Variants in LARGE1 observed in about 807,000 individuals in gnomAD.
The protein encoded by LARGE1 is LARGE xylosyl- and glucuronyltransferase 1.
Under a neutral mutation model 87.6 loss-of-function variants are expected in LARGE1, and 43 were observed. The ratio of observed to expected loss-of-function variants is 0.49; its 90% CI spans 0.38 to 0.63. The LOEUF (loss-of-function observed/expected upper bound fraction) is 0.63. LARGE1 is among the 30% of genes least tolerant of loss of function. The pLI is 0.00. For missense variants in LARGE1, 802 were observed against 1,000.2 expected (o/e 0.80, Z 2.67); for synonymous variants, 434 against 394.6 (o/e 1.10, Z -1.18).
chr22:33,356,292 G>A (rs1940882010), intron 9 of LARGE1, among the ~76,000 whole-genome samples: 1 of 152,200 alleles, frequency 6.6e-6, no homozygotes, highest in Non-Finnish European at 1.5e-5. Context: ...ATGGATGAGT[G>A]CTGAGGGAAG....
chr22:33,433,342 A>G (rs1601819910), intron 6 of LARGE1, among the ~76,000 whole-genome samples: 2 of 152,276 alleles, frequency 1.3e-5, no homozygotes, highest in Middle Eastern at 3.4e-3. Context: ...CACACCTGTA[A>G]TCCCAGCACT....
chr22:33,728,822 T>G (rs2083363348), intron 2 of LARGE1, among the ~76,000 whole-genome samples: 1 of 152,188 alleles, frequency 6.6e-6, no homozygotes, highest in Admixed American at 6.5e-5. Context: ...CGGTTACGGA[T>G]AGAGGAAGGG....
intron 1 of LARGE1, among the ~76,000 whole-genome samples, chr22:33,805,553 G>GTGAA (rs2086281295): frequency 6.6e-6 from 1 of 151,952 alleles, no homozygotes; most frequent in African/African-American, 2.4e-5. Context: ...GGCCAACATG[G>GTGAA]TGAAACCCTA....
intron 1 of LARGE1, among the ~76,000 whole-genome samples, chr22:33,809,723 TATC>T (rs149984852): frequency 0.086 from 13,041 of 152,208 alleles, 1,867 homozygotes; most frequent in African/African-American, 0.3. Context: ...TATTTCAACA[TATC>T]ATCAATATAA....
chr22:33,784,076 G>A (rs1000314963), intron 1 of LARGE1, among the ~76,000 whole-genome samples: 3 of 152,030 alleles, frequency 2.0e-5, no homozygotes, highest in Non-Finnish European at 1.5e-5. Context: ...CTCCTCTTTG[G>A]TAAAACCAAC....
chr22:33,179,398 T>C lies in LARGE1; in HGVS notation c.1731-12566A>G, dbSNP rs537682006. On this transcript the variant is annotated intron_variant, in intron 11 of 11. Coordinates refer to the LARGE1 transcript ENST00000608642. ...TCTCTTGAGCAAAATCTTTCCCAAA[T>C]TAATTAAGGACAAGGTTAATGACAC... is the stretch of plus-strand genomic sequence containing the variant. 4.4e-3 allele frequency among the ~76,000 whole-genome samples: 645 copies of C among 147,852 alleles called. 7 individuals are homozygous for C. Among genetic ancestry groups the C allele is most frequent in the Non-Finnish European group, 7.3e-3 (486 of 66,734 alleles).
the LARGE1 span, among the ~76,000 whole-genome samples, chr22:33,106,923 C>T: frequency 3.3e-5 from 5 of 152,186 alleles, no homozygotes; most frequent in African/African-American, 1.2e-4. Flanking sequence ...CAAAATTTAC[C>T]TTCTTCAGAT....
intron 2 of LARGE1, among the ~76,000 whole-genome samples, chr22:33,712,213 T>TG (rs767700646): frequency 4.6e-5 from 7 of 151,456 alleles, no homozygotes; most frequent in African/African-American, 1.7e-4. Flanking sequence ...ACCCTGGGGA[T>TG]GGGGGAAAAA....
intron 3 of LARGE1, among the ~76,000 whole-genome samples, chr22:33,629,584 G>T (rs1311496297): frequency 6.6e-6 from 1 of 152,192 alleles, no homozygotes; most frequent in South Asian, 2.1e-4. Context: ...AAAATCTGGG[G>T]TTACAGAAGT....
intron 13 of LARGE1, among the ~76,000 whole-genome samples, chr22:33,277,552 C>T (rs1672941193): frequency 6.6e-6 from 1 of 152,144 alleles, no homozygotes; most frequent in Non-Finnish European, 1.5e-5. Flanking sequence ...CAGAGACACA[C>T]AGCAAGAATA....
chr22:33,777,302 G>A (rs1173860882), intron 1 of LARGE1, among the ~76,000 whole-genome samples: 1 of 152,038 alleles, frequency 6.6e-6, no homozygotes, highest in Non-Finnish European at 1.5e-5. Context: ...TCCCTAGGGA[G>A]CCACTCGAGA....
At chr22:33,801,468 T>C (rs1206806389) in intron 1 of LARGE1, among the ~76,000 whole-genome samples, 4 of 152,206 alleles carry the variant, frequency 2.6e-5, no homozygotes, top group African/African-American at 9.7e-5. Context: ...TTGTTGAGCA[T>C]CTTTTCATGC....
intron 1 of LARGE1, among the ~76,000 whole-genome samples, chr22:33,912,167 C>T (rs889803556): frequency 2.6e-5 from 4 of 152,122 alleles, no homozygotes; most frequent in Non-Finnish European, 5.9e-5. Context: ...GGCTCTTAAA[C>T]AAACAGTGTT....
intron 11 of LARGE1, among the ~76,000 whole-genome samples, chr22:33,217,040 G>A (rs1267048130): frequency 6.6e-6 from 1 of 152,146 alleles, no homozygotes; most frequent in Non-Finnish European, 1.5e-5. Context: ...CAAGAATGTG[G>A]AACAATGGGG....
At chr22:33,219,914 C>A (rs1409406214) in intron 11 of LARGE1, among the ~76,000 whole-genome samples, 1 of 152,152 alleles carries the variant, frequency 6.6e-6, no homozygotes, top group Non-Finnish European at 1.5e-5. Context: ...CAATTTCTCT[C>A]ATAAAGGACC....
intron 2 of LARGE1, among the ~76,000 whole-genome samples, chr22:33,732,082 G>A (rs536054455): frequency 2.1e-4 from 32 of 152,234 alleles, no homozygotes; most frequent in African/African-American, 7.2e-4. Flanking sequence ...GAAAAGCAGG[G>A]CTTACGGAAA....
At chr22:33,704,690 C>T (rs181662910) in intron 2 of LARGE1, 1 of 152,608 alleles carries the variant, frequency 6.6e-6, no homozygotes, top group African/African-American at 2.4e-5. Flanking sequence ...GGGTAAAATT[C>T]CAGCCGGCCT....
intron 2 of LARGE1, among the ~76,000 whole-genome samples, chr22:33,653,434 A>C (rs1179584389): frequency 6.6e-6 from 1 of 152,164 alleles, no homozygotes; most frequent in Non-Finnish European, 1.5e-5. Context: ...CCTTCTCAGG[A>C]AAGGATTTTG....
At chr22:33,919,107 A>C (rs1356988912) in intron 1 of LARGE1, among the ~76,000 whole-genome samples, 1 of 151,762 alleles carries the variant, frequency 6.6e-6, no homozygotes, top group African/African-American at 2.4e-5. Flanking sequence ...GAGACGAAAA[A>C]AAAAAAAAAA....
Sources: gnomAD v4.1 joint callset for allele counts (sites outside exome capture counted in the v4.1 genomes callset) on GRCh38, gnomAD v4.1.1 for gene constraint, MANE v1.5 for transcripts, NCBI Gene and HGNC (gene_info 2026-07-23, HGNC 2026-07-21) for gene names.